Variants in CCDC191 observed in about 807,000 individuals in gnomAD.
CCDC191 encodes coiled-coil domain-containing protein 191.
In CCDC191, 99 loss-of-function variants were observed where a neutral mutation model predicts 114.0. That is an observed-to-expected ratio of 0.87 (90% confidence interval 0.74 to 1.03). The LOEUF (loss-of-function observed/expected upper bound fraction) is 1.03, where lower values mean the gene tolerates loss of function less well. Ranked by LOEUF, CCDC191 falls within the 50% of genes least tolerant of loss-of-function variation. CCDC191 has a pLI of 0.00. For synonymous variants in CCDC191, 351 were observed against 376.0 expected (o/e 0.93, Z 0.77); for missense variants, 973 against 1,087.0 (o/e 0.90, Z 1.47).
chr3:113,994,686 C>T (rs184402366), intron 13 of CCDC191, among the ~76,000 whole-genome samples: 6 of 151,154 alleles, frequency 4.0e-5, no homozygotes, highest in East Asian at 1.9e-4. Flanking sequence ...TGAGCTCAAG[C>T]GATCCTCCCA....
chr3:113,985,067 C>T (rs2075302743), intron 13 of CCDC191, among the ~76,000 whole-genome samples: 2 of 152,214 alleles, frequency 1.3e-5, no homozygotes, highest in Middle Eastern at 6.8e-3. Flanking sequence ...TGGAGGCAGA[C>T]AGTGAGTGGG....
Position 114,010,950 on chromosome 3 carries a change from C to T in CCDC191, c.1235G>A (p.Trp412Ter). The T allele has an allele frequency of 6.2e-7, 1 of 1,614,044 alleles. No homozygotes were observed. Among genetic ancestry groups the T allele is most frequent in the South Asian group, 1.1e-5 (1 of 91,082 alleles). The part of the protein sequence containing the change: ...LRHCFTEWQH[W>*]HGAELLKREL... ...TCTCTTCAGGAGCTCGGCGCCATGC[C>T]AATGCTGCCATTCTGTAAAGCAGTG... The change falls in exon 9 of 17, where the codon TGG (tryptophan) becomes TAG (stop). Residue 412 changes from tryptophan (W) to a stop codon, truncating the protein, a stop_gained. Coordinates refer to ENST00000295878, the MANE Select transcript of CCDC191 (RefSeq NM_020817.2). LOFTEE classifies it high-confidence loss of function.
chr3:114,035,093 T>C lies in CCDC191; in HGVS notation c.650A>G (p.Lys217Arg). The C allele has an allele frequency of 4.3e-6, 7 of 1,614,146 alleles. No individual in the cohort carries two copies. The Middle Eastern group carries it at 9.9e-4, about 228-fold the overall frequency. Residue 217 changes from lysine to arginine, a missense_variant, in exon 6 of 17, where the codon AAG (lysine) becomes AGG (arginine). Physicochemically the swap from Lys to Arg is conservative, Grantham distance 26. Coordinates refer to ENST00000295878, the MANE Select transcript of CCDC191 (RefSeq NM_020817.2). The stretch of plus-strand genomic sequence containing the variant: ...CAAGAAGGCCGATTTTTTCAGGGTC[T>C]TTTCTATTCTCTGGTACTCCAGTTC... ...EKELEYQRIEKTLKKSAFLEA... is the reference protein window; with the variant it reads ...EKELEYQRIERTLKKSAFLEA...
Position 114,037,107 on chromosome 3 carries a change from A to G in CCDC191, c.416-321T>C, listed in dbSNP as rs150946043. 1,181 of 160,486 alleles carry G rather than the reference A, an allele frequency of 7.4e-3. 10 individuals are homozygous for G. The highest frequency in any genetic ancestry group is 0.024 in the Middle Eastern group (8 of 338). The allele number at this position is 160,486 out of a possible 1,614,324, so 9.9% of individuals were successfully genotyped here. A position where few individuals can be genotyped will look rare whatever the true frequency, so the allele number is the denominator to read the frequency against. On this transcript the variant is annotated intron_variant, in intron 4 of 16. Transcript: ENST00000295878. ...CTTGAGAGCTCTACTGCTTTCAAAAAAAAGAAAGAAAGAAAGAAAAAAGCT... is the reference window on the plus strand; with the variant it reads ...CTTGAGAGCTCTACTGCTTTCAAAAGAAAGAAAGAAAGAAAGAAAAAAGCT...
At chr3:114,018,096 G>C (rs2076189229) in intron 8 of CCDC191, among the ~76,000 whole-genome samples, 1 of 152,188 alleles carries the variant, frequency 6.6e-6, no homozygotes, top group East Asian at 1.9e-4. Context: ...TGGTAGAGTG[G>C]GAGGAATCAC....
At chr3:114,006,619 A>ATATATATATATATATATATATAAAT (rs1559903359) in intron 9 of CCDC191, among the ~76,000 whole-genome samples, 6 of 92,508 alleles carry the variant, frequency 6.5e-5, no homozygotes, top group African/African-American at 2.5e-4. Flanking sequence ...TATATATATA[A>ATATATATATATATATATATATAAAT]ATATATATAT....
intron 4 of CCDC191, among the ~76,000 whole-genome samples, chr3:114,037,860 G>C (rs2076507609): frequency 6.6e-6 from 1 of 152,190 alleles, no homozygotes; most frequent in Admixed American, 6.5e-5. Flanking sequence ...AGCTGTACAT[G>C]TAAGTACAGA....
chr3:114,010,732 C>T lies in CCDC191; in HGVS notation c.1413+40G>A, dbSNP rs754582421. ...ACATACCAGCTATAAAAGCACAAAC[C>T]TCAAATGCAAGTGTTTACTAAGCAG... On this transcript the variant is annotated intron_variant, in intron 9 of 16. Coordinates refer to ENST00000295878, the MANE Select transcript of CCDC191 (RefSeq NM_020817.2). 11 of 1,560,126 alleles carry T rather than the reference C, an allele frequency of 7.1e-6. No homozygotes were observed. In the East Asian group the frequency reaches 2.5e-4, roughly 35 times the overall value.
Position 113,978,230 on chromosome 3 carries a change from G to A in CCDC191, c.2562C>T (p.Ile854=), listed in dbSNP as rs776236811. 10 of 1,613,962 alleles carry A rather than the reference G, an allele frequency of 6.2e-6. No individual in the cohort carries two copies. Among genetic ancestry groups the A allele is most frequent in the Non-Finnish European group, 7.6e-6 (9 of 1,179,930 alleles). The change falls in exon 16 of 17, where the codon ATC becomes ATT. Residue 854 remains isoleucine, a synonymous_variant. Transcript: ENST00000295878. ...CAATCTCATGCTTGCCCTGAGAATC[G>A]ATCTTCACCTCCCTGACCATGTTAA... The part of the protein sequence containing the change: ...AWFNMVREVK[I]DSQGKHEIAA...
At chr3:114,047,003 A>C (rs543753689) in intron 2 of CCDC191, 3 of 960,096 alleles carry the variant, frequency 3.1e-6, no homozygotes, top group Non-Finnish European at 3.7e-6. Flanking sequence ...GATTTAGATA[A>C]CTTTTGTTTA....
At chr3:114,030,620 C>T (rs899255675) in intron 7 of CCDC191, among the ~76,000 whole-genome samples, 1 of 152,164 alleles carries the variant, frequency 6.6e-6, no homozygotes, top group Non-Finnish European at 1.5e-5. Flanking sequence ...TGAGTAATTA[C>T]AACCTCTTAT....
chr3:113,976,699 T>C (rs1441168857), intron 16 of CCDC191, among the ~76,000 whole-genome samples: 2 of 151,796 alleles, frequency 1.3e-5, no homozygotes, highest in African/African-American at 2.4e-5. Context: ...AGTGAGTTAC[T>C]ATAGTACCCT....
chr3:113,968,625 TG>T (rs1940472341), intron 16 of CCDC191, among the ~76,000 whole-genome samples: 1 of 147,562 alleles, frequency 6.8e-6, no homozygotes, highest in South Asian at 2.1e-4. Flanking sequence ...AATAGTTTTT[TG>T]TTTTTTTTTT....
At chr3:114,016,609 T>C (rs2076162265) in intron 8 of CCDC191, among the ~76,000 whole-genome samples, 1 of 152,206 alleles carries the variant, frequency 6.6e-6, no homozygotes, top group African/African-American at 2.4e-5. Context: ...ATTCTAAACA[T>C]TTAAAAATAG....
intron 1 of CCDC191, among the ~76,000 whole-genome samples, chr3:114,054,750 G>A (rs1459821451): frequency 6.6e-6 from 1 of 152,278 alleles, no homozygotes; most frequent in Admixed American, 6.5e-5. Flanking sequence ...TTTCCACCCA[G>A]ATCAGTCAGG....
Position 114,046,602 on chromosome 3 carries a change from AT to A in CCDC191, c.259del (p.Ile87SerfsTer13). The A allele has an allele frequency of 6.3e-7, 1 of 1,587,624 alleles. No homozygotes were observed. ...TSEQIEDHDE[I>X]YAEAQELVND... is the part of the protein sequence containing the mutation. Reference sequence around the variant, plus strand: ...ATGCATTCTCTTACCTTCTGCATAGATTTCATCATGATCCTCTATTTGCTCA... The same window carrying A: ...ATGCATTCTCTTACCTTCTGCATAGATTCATCATGATCCTCTATTTGCTCA... On this transcript the variant is annotated frameshift_variant, in exon 3 of 17. Coordinates refer to ENST00000295878, the MANE Select transcript of CCDC191 (RefSeq NM_020817.2). LOFTEE classifies it high-confidence loss of function.
At chr3:114,054,969 G>A (rs2076748599) in intron 1 of CCDC191, among the ~76,000 whole-genome samples, 1 of 151,684 alleles carries the variant, frequency 6.6e-6, no homozygotes, top group African/African-American at 2.4e-5. Flanking sequence ...GGCGTTCCCA[G>A]TTCATGAATT....
At chr3:114,004,084 C>T (rs2075902140) in intron 11 of CCDC191, 1 of 940,736 alleles carries the variant, frequency 1.1e-6, no homozygotes, top group African/African-American at 1.8e-5. Context: ...GCCTGGGCAA[C>T]ACAGGAAGAC....
intron 4 of CCDC191, among the ~76,000 whole-genome samples, chr3:114,042,326 T>C (rs1309524074): frequency 6.6e-6 from 1 of 152,148 alleles, no homozygotes; most frequent in Non-Finnish European, 1.5e-5. Context: ...GTATAACAAC[T>C]ATTTACATAG....
Sources: allele counts gnomAD v4.1 joint callset (sites outside exome capture counted in the v4.1 genomes callset), GRCh38; gene constraint gnomAD v4.1.1; transcripts MANE v1.5; gene names NCBI Gene and HGNC (gene_info 2026-07-23, HGNC 2026-07-21).